FGF13: variants seen among roughly 807,000 people sequenced by gnomAD.
The protein encoded by FGF13 is fibroblast growth factor homologous factor 2.
A neutral mutation model predicts 19.5 loss-of-function variants in FGF13; 2 were observed. The ratio of observed to expected loss-of-function variants is 0.10; its 90% CI spans 0.04 to 0.32. The LOEUF (loss-of-function observed/expected upper bound fraction) is 0.32. FGF13 is among the 10% of genes least tolerant of loss of function. FGF13 has a pLI of 1.00. For missense variants in FGF13, 113 were observed against 192.7 expected (o/e 0.59, Z 2.45); for synonymous variants, 72 against 76.9 (o/e 0.94, Z 0.33).
At position 139,004,916 on chromosome X, in the gene FGF13, G is replaced by A. The variant is rs182997856; in HGVS notation, c.-112-140266C>T. 3.6e-5 allele frequency among the ~76,000 whole-genome samples: 4 copies of A among 112,150 alleles called. No homozygotes were observed. The East Asian group carries it at 1.1e-3, about 32-fold the overall frequency. ...CAGCTGCAGTACAACAGAACACCAG[G>A]TAGACTTCTAGAGTGTTTTGACTCC... On this transcript the variant is annotated intron_variant, in intron 1 of 2. Coordinates refer to the FGF13 transcript ENST00000421460.
intron 3 of FGF13, among the ~76,000 whole-genome samples, chrX:138,810,310 C>A (rs2090911975): frequency 9.0e-6 from 1 of 111,731 alleles, no homozygotes; most frequent in South Asian, 3.8e-4. Flanking sequence ...AGCATCTGAT[C>A]TTTGACAAAC....
At chrX:138,985,418 C>A (rs2091991210) in intron 1 of FGF13, among the ~76,000 whole-genome samples, 1 of 111,884 alleles carries the variant, frequency 8.9e-6, no homozygotes, top group Non-Finnish European at 1.9e-5. Context: ...ACCTAATATT[C>A]CTGTTAAACA....
chrX:139,106,383 C>T (rs1358609175), intron 1 of FGF13, among the ~76,000 whole-genome samples: 3 of 112,856 alleles, frequency 2.7e-5, no homozygotes, highest in Non-Finnish European at 5.6e-5. Context: ...TGTCACTATA[C>T]CTTCTGCATA....
intron 3 of FGF13, among the ~76,000 whole-genome samples, chrX:138,799,937 T>G (rs2123994023): frequency 9.0e-6 from 1 of 111,719 alleles, no homozygotes; most frequent in Non-Finnish European, 1.9e-5. Context: ...TTGGTAATTA[T>G]TCCTCCATCC....
At chrX:138,976,617 G>A (rs1270008194) in intron 1 of FGF13, among the ~76,000 whole-genome samples, 1 of 111,403 alleles carries the variant, frequency 9.0e-6, no homozygotes, top group African/African-American at 3.3e-5. Context: ...CTCAGGTGAT[G>A]GGGGCACTAA....
At chrX:139,161,239 C>CA (rs745353126) in intron 1 of FGF13, among the ~76,000 whole-genome samples, 10 of 111,897 alleles carry the variant, frequency 8.9e-5, no homozygotes, top group Non-Finnish European at 1.9e-4. Flanking sequence ...GAACCAATGA[C>CA]AAAAACCACA....
rs2089067216 is a variant in FGF13, at chrX:138,626,760, G to T, written c.*6090C>A. On this transcript the variant is annotated 3_prime_UTR_variant, in exon 5 of 5. Transcript: ENST00000315930. ...CACACACGCACACAGAAACAATAGG[G>T]TAGTGTTTGTTCTGTGTATATCTGG... 1 of 111,491 alleles carries T rather than the reference G, an allele frequency of 9.0e-6. No individual in the cohort carries two copies. Among genetic ancestry groups the T allele is most frequent in the Non-Finnish European group, 1.9e-5 (1 of 53,085 alleles). 9.2% of individuals were successfully genotyped at this position (111,491 alleles called of 1,213,427 possible).
chrX:138,753,747 T>A (rs764777652), intron 3 of FGF13, among the ~76,000 whole-genome samples: 166 of 112,283 alleles, frequency 1.5e-3, no homozygotes, highest in African/African-American at 5.2e-3. Context: ...CCTGGCTGAC[T>A]ACACTTGACA....
chrX:138,908,974 A>C (rs1316049503), intron 1 of FGF13, among the ~76,000 whole-genome samples: 1 of 112,180 alleles, frequency 8.9e-6, no homozygotes, highest in East Asian at 2.8e-4. Context: ...ATGAAATGGA[A>C]ACAAGTATTA....
intron 1 of FGF13, among the ~76,000 whole-genome samples, chrX:139,144,297 T>C (rs1343564852): frequency 9.4e-6 from 1 of 106,197 alleles, no homozygotes; most frequent in African/African-American, 3.7e-5. Context: ...ACTCTGATGG[T>C]GTTCTACCAC....
At chrX:138,896,852 C>T (rs1009977441) in intron 1 of FGF13, among the ~76,000 whole-genome samples, 4 of 111,934 alleles carry the variant, frequency 3.6e-5, no homozygotes, top group African/African-American at 1.3e-4. Flanking sequence ...CCTCAGGACA[C>T]CACTGCAGTA....
chrX:139,135,743 C>A (rs16994759), intron 1 of FGF13, among the ~76,000 whole-genome samples: 5,531 of 110,874 alleles, frequency 0.05, 379 homozygotes, highest in African/African-American at 0.17. Context: ...TATGGAGGTG[C>A]TAAAAGCATC....
At chrX:138,835,367 G>A (rs1004246028) in intron 3 of FGF13, among the ~76,000 whole-genome samples, 1 of 112,229 alleles carries the variant, frequency 8.9e-6, no homozygotes, top group African/African-American at 3.2e-5. Context: ...AGGATAGTTA[G>A]ATCTTCTTGT....
chrX:139,006,038 C>T (rs982423291), intron 1 of FGF13, among the ~76,000 whole-genome samples: 2 of 111,064 alleles, frequency 1.8e-5, no homozygotes, highest in African/African-American at 3.3e-5. Context: ...AAACAGAGAA[C>T]TTCCCAAATT....
rs751808817 is a variant in FGF13 at position 138,952,667 on chromosome X, C to A, written c.-112-88017G>T. On this transcript the variant is annotated intron_variant, in intron 1 of 2. Coordinates refer to the FGF13 transcript ENST00000421460. ...CCTACAGAATGGGAGAAAATTTTTG[C>A]AACCTACTCATCTGACAAAGGGCTA... 5.4e-5 allele frequency among the ~76,000 whole-genome samples: 6 copies of A among 111,310 alleles called. No individual in the cohort carries two copies. The South Asian group carries it at 2.3e-3, about 43-fold the overall frequency.
chrX:138,780,369 C>A (rs2090628426), intron 3 of FGF13, among the ~76,000 whole-genome samples: 2 of 93,332 alleles, frequency 2.1e-5, no homozygotes, highest in Non-Finnish European at 4.2e-5. Flanking sequence ...CACAGACTGG[C>A]AAATTGGATA....
chrX:138,834,492 A>G (rs1421103245), intron 3 of FGF13, among the ~76,000 whole-genome samples: 1 of 109,903 alleles, frequency 9.1e-6, no homozygotes, highest in Non-Finnish European at 1.9e-5. Context: ...GTCAGTGGTA[A>G]TATCCCTCTT....
At chrX:138,657,536 A>G (rs1161448507) in intron 3 of FGF13, among the ~76,000 whole-genome samples, 2 of 112,127 alleles carry the variant, frequency 1.8e-5, no homozygotes, top group East Asian at 5.6e-4. Flanking sequence ...ATTTGAAACT[A>G]TTTTGAAATT....
chrX:139,185,947 T>C (rs2084279999), intron 1 of FGF13, among the ~76,000 whole-genome samples: 1 of 111,494 alleles, frequency 9.0e-6, no homozygotes, highest in Non-Finnish European at 1.9e-5. Context: ...CAGGGGACCA[T>C]TATATCACAC....
Sources: gnomAD v4.1 joint callset for allele counts (sites outside exome capture counted in the v4.1 genomes callset) on GRCh38, gnomAD v4.1.1 for gene constraint, MANE v1.5 for transcripts, NCBI Gene and HGNC (gene_info 2026-07-23, HGNC 2026-07-21) for gene names.